The following WNK1 variants were observed in gnomAD, a reference collection of about 807,000 sequenced individuals.
The protein encoded by WNK1 is WNK lysine deficient protein kinase 1, also known as serine/threonine-protein kinase WNK1.
WNK1 carries 38 observed loss-of-function variants against 222.8 expected under a neutral mutation model. The ratio of observed to expected loss-of-function variants is 0.17; its 90% confidence interval spans 0.13 to 0.22. The LOEUF (loss-of-function observed/expected upper bound fraction) is 0.22. Ranked by LOEUF, WNK1 falls within the 10% of genes least tolerant of loss-of-function variation. The pLI is 1.00. For missense variants in WNK1, 2,348 were observed against 2,918.4 expected, an observed-to-expected ratio of 0.80 and a Z score of 4.50; for synonymous variants, 1,090 against 1,092.9, an observed-to-expected ratio of 1.00 and a Z score of 0.05.
intron 1 of WNK1, among the ~76,000 whole-genome samples, chr12:772,179 A>T (rs1942588667): frequency 6.6e-6 from 1 of 152,234 alleles, no homozygotes; most frequent in African/African-American, 2.4e-5. Flanking sequence ...AAAAGGAAAT[A>T]AAAAATCACC....
chr12:885,886 T>G lies in WNK1; in HGVS notation c.5082T>G (p.Thr1694=). 1.2e-6 allele frequency: 2 copies of G among 1,612,740 alleles called. No individual in the cohort carries two copies. The highest frequency in any genetic ancestry group is 1.7e-6 in the Non-Finnish European group (2 of 1,178,960). Reference sequence around the variant, plus strand: ...GCACTGTCACACCAGGCATCCCAACTACTGCTGTTGCACCAAGCAAACTCC... The same window carrying G: ...GCACTGTCACACCAGGCATCCCAACGACTGCTGTTGCACCAAGCAAACTCC... ...IESTVTPGIP[T]TAVAPSKLLT... is the part of the protein sequence containing the mutation. The change falls in exon 19 of 28, where the codon ACT becomes ACG. Residue 1694 remains threonine, a synonymous_variant. Coordinates refer to ENST00000315939, the MANE Select transcript of WNK1 (RefSeq NM_018979.4).
chr12:817,874 C>T (rs956711805), intron 2 of WNK1, among the ~76,000 whole-genome samples: 1 of 151,966 alleles, frequency 6.6e-6, no homozygotes, highest in Non-Finnish European at 1.5e-5. Flanking sequence ...AATCGCTTGA[C>T]CCCGGAAGTG....
chr12:792,971 G>T (rs1340933077), intron 1 of WNK1, among the ~76,000 whole-genome samples: 5 of 152,060 alleles, frequency 3.3e-5, no homozygotes, highest in Admixed American at 3.3e-4. Context: ...TAAAATGAGG[G>T]TAATGTTTTA....
intron 1 of WNK1, among the ~76,000 whole-genome samples, chr12:762,321 A>G (rs1941133261): frequency 6.8e-6 from 1 of 147,524 alleles, no homozygotes; most frequent in South Asian, 2.2e-4. Flanking sequence ...CTGCCTCCCA[A>G]AACGCTGGGA....
intron 26 of WNK1, 97 bp from the exon 27 acceptor site, chr12:907,750 T>C: frequency 7.2e-7 from 1 of 1,397,068 alleles, no homozygotes; most frequent in South Asian, 1.2e-5. Flanking sequence ...CTCTTCTCAT[T>C]CTGTGGCTTG....
Position 908,910 on chromosome 12 carries a change from T to G in WNK1, c.*118T>G. The G allele has an allele frequency of 3.4e-6, 4 of 1,170,944 alleles. No homozygotes were observed. Among genetic ancestry groups the G allele is most frequent in the Non-Finnish European group, 2.5e-6 (2 of 814,348 alleles). 72.5% of individuals were successfully genotyped at this position (1,170,944 alleles called of 1,614,324 possible). On this transcript the variant is annotated 3_prime_UTR_variant, in exon 28 of 28. Transcript: ENST00000315939. ...AGTGCTGCATTTAACTGGTTATTTC[T>G]TGCCAGAGGGGAATGTTTTTAATAC...
chr12:765,569 C>G (rs1941589325), intron 1 of WNK1, among the ~76,000 whole-genome samples: 1 of 150,750 alleles, frequency 6.6e-6, no homozygotes. Context: ...TTTTTTTAAT[C>G]ATTGCAGAAA....
intron 8 of WNK1, chr12:869,272 T>A: frequency 2.2e-6 from 2 of 908,500 alleles, no homozygotes; most frequent in Non-Finnish European, 3.4e-6. Context: ...TATATGCATT[T>A]AAAAACAAAA....
chr12:871,467 A>T (rs1952140420), intron 9 of WNK1, 119 bp downstream of exon 9: 3 of 929,486 alleles, frequency 3.2e-6, no homozygotes, highest in Non-Finnish European at 5.2e-6. Context: ...TAAGAGGCAT[A>T]CCATGTCTTG....
At chr12:891,296 ACCTGG>A (rs1954205173) in intron 22 of WNK1, among the ~76,000 whole-genome samples, 1 of 152,050 alleles carries the variant, frequency 6.6e-6, no homozygotes, top group African/African-American at 2.4e-5. Flanking sequence ...GCACCACCAC[ACCTGG>A]ATAATTTTGT....
chr12:846,314 C>T (rs1009730505), intron 4 of WNK1, among the ~76,000 whole-genome samples: 10 of 152,058 alleles, frequency 6.6e-5, no homozygotes, highest in Non-Finnish European at 7.4e-5. Context: ...TGAGAAGATC[C>T]AAGTAAAAGT....
intron 9 of WNK1, 171 bp from the exon 10 acceptor site, chr12:878,041 C>A: frequency 1.2e-6 from 1 of 815,332 alleles, no homozygotes. Context: ...CAAAGAACAT[C>A]AGAGGGAAAA....
intron 1 of WNK1, among the ~76,000 whole-genome samples, chr12:789,468 T>G (rs1030971152): frequency 5.3e-5 from 8 of 152,200 alleles, no homozygotes; most frequent in African/African-American, 1.9e-4. Flanking sequence ...GTTCTACCTG[T>G]ATACCTGTAT....
rs1051015477 is a variant in WNK1, at chr12:766,157, G to A, written c.759+11833G>A. 3.9e-5 allele frequency among the ~76,000 whole-genome samples: 6 copies of A among 152,218 alleles called. No individual in the cohort carries two copies. In the East Asian group the frequency reaches 1.2e-3, roughly 29 times the overall value. ...ACAATGTTCACTATTTGGGTGATAA[G>A]GCGATAAGGTTAGGTAACTAGAAAC... On this transcript the variant is annotated intron_variant, in intron 1 of 27. Transcript: ENST00000315939.
rs753621033 is a variant in WNK1, at chr12:867,786, C to A, written c.2140-3479C>A. On this transcript the variant is annotated intron_variant, in intron 8 of 27. Coordinates refer to ENST00000315939, the MANE Select transcript of WNK1 (RefSeq NM_018979.4). ...AGTGTAACCATTTCATAGGGTTACA[C>A]AGAACTACCCAGTTGTGCATGTCTG... The A allele has an allele frequency of 2.7e-6, 4 of 1,506,056 alleles. No homozygotes were observed. In the South Asian group the frequency reaches 4.6e-5, roughly 17 times the overall value. 93.3% of individuals were successfully genotyped at this position (1,506,056 alleles called of 1,614,324 possible). A position where few individuals can be genotyped will look rare whatever the true frequency, so the allele number is the denominator to read the frequency against.
rs1454330405 is a variant in WNK1, at chr12:885,351, C to A, written c.4547C>A (p.Pro1516His). 2 of 1,613,914 alleles carry A rather than the reference C, an allele frequency of 1.2e-6. No homozygotes were observed. The highest frequency in any genetic ancestry group is 1.7e-6 in the Non-Finnish European group (2 of 1,180,020). ...CAGCTTAGCAGCAGTACTTCTACTC[C>A]TACTTTAGCTGAAACCGTGGTAGTT... is the stretch of plus-strand genomic sequence containing the variant. ...CIQLSSSTST[P>H]TLAETVVVSA... Residue 1516 changes from proline (P) to histidine (H), a missense_variant, in exon 19 of 28, where the codon CCT (proline) becomes CAT (histidine). Physicochemically the swap from Pro to His is moderately conservative, Grantham distance 77. Around this residue, in one of 13 missense-constraint regions of WNK1, gnomAD observed 1,144 missense variants for 1,273.6 expected, o/e 0.90. Coordinates refer to ENST00000315939, the MANE Select transcript of WNK1 (RefSeq NM_018979.4).
At chr12:882,724 AAGAAT>A (rs1953284091) in intron 14 of WNK1, among the ~76,000 whole-genome samples, 1 of 152,204 alleles carries the variant, frequency 6.6e-6, no homozygotes, top group African/African-American at 2.4e-5. Context: ...CTTTTAGAAA[AAGAAT>A]AGAGAGTTTT....
At chr12:869,840 G>A (rs1009750161) in intron 8 of WNK1, among the ~76,000 whole-genome samples, 1 of 151,280 alleles carries the variant, frequency 6.6e-6, no homozygotes, top group African/African-American at 2.4e-5. Flanking sequence ...AAGAATTTGT[G>A]ATATGTTGCA....
chr12:894,690 A>G, intron 23 of WNK1, 55 bp downstream of exon 23: 3 of 1,527,622 alleles, frequency 2.0e-6, no homozygotes, highest in South Asian at 2.2e-5. Context: ...AGTTGTCTAT[A>G]TAATAAAATT....
Sources: gnomAD v4.1 joint callset for allele counts (sites outside exome capture counted in the v4.1 genomes callset) on GRCh38, gnomAD v4.1.1 for gene constraint, gnomAD v4.1.1 regional missense constraint, MANE v1.5 for transcripts, NCBI Gene and HGNC (gene_info 2026-07-23, HGNC 2026-07-21) for gene names.